Variants in PLXDC1 observed in about 807,000 individuals in gnomAD.
PLXDC1 encodes plexin domain containing 1.
A neutral mutation model predicts 61.3 loss-of-function variants in PLXDC1; 39 were observed. The ratio of observed to expected loss-of-function variants is 0.64; its 90% CI spans 0.49 to 0.83. The LOEUF is 0.83. PLXDC1 is among the 40% of genes least tolerant of loss of function. The pLI is 0.00. For missense variants in PLXDC1, 596 were observed against 666.5 expected, an observed-to-expected ratio of 0.89 and a Z score of 1.17; for synonymous variants, 212 against 254.5, an observed-to-expected ratio of 0.83 and a Z score of 1.59.
chr17:39,064,341 A>G lies in PLXDC1; in HGVS notation c.*3499T>C, dbSNP rs951633241. On this transcript the variant is annotated 3_prime_UTR_variant, in exon 14 of 14. Transcript: ENST00000315392. ...CTGGCCATGTAGTGAAGGACTTTCTAAGCAAGACCTTGACTTGGAAAGTTG... is the reference window on the plus strand; with the variant it reads ...CTGGCCATGTAGTGAAGGACTTTCTGAGCAAGACCTTGACTTGGAAAGTTG... 8.5e-5 allele frequency: 13 copies of G among 152,162 alleles called. No individual in the cohort carries two copies. The highest frequency in any genetic ancestry group is 3.1e-4 in the African/African-American group (13 of 41,426). 9.4% of individuals were successfully genotyped at this position (152,162 alleles called of 1,614,324 possible).
chr17:39,083,374 G>T, intron 9 of PLXDC1, 85 bp downstream of exon 9: 3 of 971,776 alleles, frequency 3.1e-6, no homozygotes, highest in South Asian at 2.7e-5. Context: ...CTGACTGTGG[G>T]CAGTGAGGCC....
chr17:39,076,092 A>G lies in PLXDC1; in HGVS notation c.1186+1821T>C, dbSNP rs199908576. Among the ~76,000 whole-genome samples the G allele has an allele frequency of 3.0e-3, 279 of 92,752 alleles. 2 individuals carry two copies. The highest frequency in any genetic ancestry group is 8.0e-3 in the African/African-American group (250 of 31,392). 60.8% of individuals were successfully genotyped at this position (92,752 alleles called of 152,430 possible). On this transcript the variant is annotated intron_variant, in intron 11 of 13. Transcript: ENST00000315392. Reference sequence around the variant, plus strand: ...GACTAAGTCTGAAAAAAAAAAAAAGAAAAAAAAAAAAAGAAAGAAAAAAGA... The same window carrying G: ...GACTAAGTCTGAAAAAAAAAAAAAGGAAAAAAAAAAAAGAAAGAAAAAAGA...
At chr17:39,140,630 GAGATT>G (rs951109146) in intron 1 of PLXDC1, among the ~76,000 whole-genome samples, 2 of 152,216 alleles carry the variant, frequency 1.3e-5, no homozygotes, top group Non-Finnish European at 2.9e-5. Flanking sequence ...AGCCTCAGGG[GAGATT>G]TTGAGGAGTC....
In PLXDC1 at chr17:39,119,787, A is replaced by G. The variant is rs191932019; in HGVS notation, c.256-10396T>C. Among the ~76,000 whole-genome samples the G allele has an allele frequency of 6.2e-3, 945 of 152,208 alleles. 12 individuals are homozygous for G. The highest frequency in any genetic ancestry group is 0.017 in the African/African-American group (713 of 41,514). On this transcript the variant is annotated intron_variant, in intron 2 of 13. Coordinates refer to ENST00000315392, the MANE Select transcript of PLXDC1 (RefSeq NM_020405.5). ...AACTTCATTTTTAAAAAGAATATGAATGAGAAGAGAGAACTGAGAAACTAA... is the reference window on the plus strand; with the variant it reads ...AACTTCATTTTTAAAAAGAATATGAGTGAGAAGAGAGAACTGAGAAACTAA...
At chr17:39,138,177 C>A (rs1326666720) in intron 2 of PLXDC1, among the ~76,000 whole-genome samples, 1 of 152,146 alleles carries the variant, frequency 6.6e-6, no homozygotes. Flanking sequence ...CTCAAGCGAT[C>A]CACCCGTCTG....
chr17:39,142,490 A>G (rs1197226117), intron 1 of PLXDC1, among the ~76,000 whole-genome samples: 2 of 152,168 alleles, frequency 1.3e-5, no homozygotes, highest in East Asian at 3.9e-4. Flanking sequence ...TTTAGGTTCC[A>G]TGATCTCCTC....
At chr17:39,088,183 G>A (rs1909814279) in intron 7 of PLXDC1, among the ~76,000 whole-genome samples, 1 of 152,148 alleles carries the variant, frequency 6.6e-6, no homozygotes, top group Non-Finnish European at 1.5e-5. Flanking sequence ...TTGGAGGCTG[G>A]GGATGTGTGA....
intron 2 of PLXDC1, among the ~76,000 whole-genome samples, chr17:39,128,139 G>GTA (rs1382149776): frequency 6.3e-5 from 6 of 95,074 alleles, no homozygotes; most frequent in Non-Finnish European, 1.0e-4. Context: ...GTATATATAT[G>GTA]TATATATATG....
chr17:39,128,083 C>G (rs1567769432), intron 2 of PLXDC1, among the ~76,000 whole-genome samples: 3 of 96,076 alleles, frequency 3.1e-5, no homozygotes, highest in South Asian at 7.5e-4. Context: ...CTCTCTCTCT[C>G]TCTCTCTCTA....
At chr17:39,146,070 CTT>C (rs71141767) in intron 1 of PLXDC1, among the ~76,000 whole-genome samples, 18 of 131,142 alleles carry the variant, frequency 1.4e-4, no homozygotes, top group Admixed American at 1.5e-4. Context: ...CGGCCCATTC[CTT>C]TTTTTTTTTT....
Position 39,151,617 on chromosome 17 carries a change from G to C in PLXDC1, c.-180C>G. 3 of 1,109,354 alleles carry C rather than the reference G, an allele frequency of 2.7e-6. No homozygotes were observed. Among genetic ancestry groups the C allele is most frequent in the Non-Finnish European group, 3.3e-6 (3 of 908,860 alleles). The allele number at this position is 1,109,354 out of a possible 1,614,324, so 68.7% of individuals were successfully genotyped here. ...AGCGGCGAGAGCGCGAGCGGAGCTG[G>C]AGGCTGCGGCCTCCGGGAGCAGGCG... On this transcript the variant is annotated 5_prime_UTR_variant, in exon 1 of 14. Coordinates refer to ENST00000315392, the MANE Select transcript of PLXDC1 (RefSeq NM_020405.5). This position sits in a 1 kb window ranked among gnomAD's most constrained non-coding sequence, Gnocchi z 5.2.
intron 7 of PLXDC1, among the ~76,000 whole-genome samples, chr17:39,095,811 C>T (rs1910171646): frequency 6.6e-6 from 1 of 152,066 alleles, no homozygotes; most frequent in Non-Finnish European, 1.5e-5. Flanking sequence ...ATTACAGGTG[C>T]CTGCCACCAC....
At chr17:39,104,867 A>G (rs1164611595) in intron 7 of PLXDC1, among the ~76,000 whole-genome samples, 1 of 152,246 alleles carries the variant, frequency 6.6e-6, no homozygotes, top group Admixed American at 6.5e-5. Flanking sequence ...TGCCTGGAAC[A>G]TAGTGGCCCA....
At chr17:39,122,298 A>G (rs1311542880) in intron 2 of PLXDC1, among the ~76,000 whole-genome samples, 3 of 143,350 alleles carry the variant, frequency 2.1e-5, no homozygotes, top group Non-Finnish European at 4.5e-5. Context: ...CCAGCTACTC[A>G]GGAGGCTGAG....
chr17:39,081,836 G>A (rs181137125), intron 9 of PLXDC1, among the ~76,000 whole-genome samples: 20 of 151,894 alleles, frequency 1.3e-4, no homozygotes, highest in Non-Finnish European at 1.6e-4. Flanking sequence ...TCAACTACAG[G>A]GGGGACTGAG....
chr17:39,148,022 C>A (rs1411628164), intron 1 of PLXDC1, among the ~76,000 whole-genome samples: 2 of 152,078 alleles, frequency 1.3e-5, no homozygotes, highest in Admixed American at 1.3e-4. Flanking sequence ...CTGATTAAGA[C>A]CTGAATGAGA....
chr17:39,087,672 T>C lies in PLXDC1; in HGVS notation c.842A>G (p.His281Arg). 6.2e-7 allele frequency: 1 copy of C among 1,613,886 alleles called. No homozygotes were observed. Among genetic ancestry groups the C allele is most frequent in the Non-Finnish European group, 8.5e-7 (1 of 1,179,922 alleles). Residue 281 changes from histidine to arginine, a missense_variant, in exon 8 of 14, where the codon CAC becomes CGC. Transcript: ENST00000315392. Reference protein sequence around the residue: ...ESRRRSIFEYHRIELDPSKVT... With the variant: ...ESRRRSIFEYRRIELDPSKVT... ...CTTGCTGGGGTCCAGCTCTATGCGG[T>C]GATATTCAAAGATGCTCCTTCGCCG...
chr17:39,077,853 G>C (rs1174137528), intron 11 of PLXDC1, 60 bp downstream of exon 11: 1 of 1,589,364 alleles, frequency 6.3e-7, no homozygotes, highest in African/African-American at 1.3e-5. Context: ...GGGCCCCAGA[G>C]GGGTGGGTAG....
chr17:39,114,801 C>A lies in PLXDC1; in HGVS notation c.256-5410G>T, dbSNP rs557618118. 1.2e-3 allele frequency among the ~76,000 whole-genome samples: 187 copies of A among 152,272 alleles called. 2 individuals carry two copies. In the Middle Eastern group the frequency reaches 0.034, roughly 28 times the overall value. On this transcript the variant is annotated intron_variant, in intron 2 of 13. Coordinates refer to ENST00000315392, the MANE Select transcript of PLXDC1 (RefSeq NM_020405.5). ...GCTTCCACCTGGGAACCTGAGCGGG[C>A]CAGTGTTTAAGACGGTTGCTTTGAG...
Sources: allele counts gnomAD v4.1 joint callset (sites outside exome capture counted in the v4.1 genomes callset), GRCh38; gene constraint gnomAD v4.1.1; non-coding constraint Gnocchi (gnomAD v3.1); transcripts MANE v1.5; gene names NCBI Gene and HGNC (gene_info 2026-07-23, HGNC 2026-07-21).